Variants in LPP observed in about 807,000 individuals in gnomAD.
The protein encoded by LPP is LIM domain containing preferred translocation partner in lipoma, also known as lipoma-preferred partner.
LPP carries 38 observed loss-of-function variants against 60.4 expected under a neutral mutation model. The ratio of observed to expected loss-of-function variants is 0.63; its 90% CI spans 0.49 to 0.83. LPP has a LOEUF of 0.83. Ranked by LOEUF, LPP falls within the 40% of genes least tolerant of loss-of-function variation. The pLI, the probability that LPP is intolerant of heterozygous loss-of-function variation, is 0.00. For synonymous variants in LPP, 328 were observed against 290.8 expected, an observed-to-expected ratio of 1.13 and a Z score of -1.30; for missense variants, 902 against 783.6, an observed-to-expected ratio of 1.15 and a Z score of -1.80.
intron 2 of LPP, among the ~76,000 whole-genome samples, chr3:188,265,135 G>T (rs1262842906): frequency 1.3e-5 from 2 of 152,168 alleles, no homozygotes; most frequent in Non-Finnish European, 2.9e-5. Context: ...TGACTTTAGA[G>T]GTTTAGCACG....
intron 7 of LPP, among the ~76,000 whole-genome samples, chr3:188,651,918 G>A (rs904872199): frequency 1.3e-5 from 2 of 152,050 alleles, no homozygotes; most frequent in East Asian, 1.9e-4. Context: ...TATAACAGAG[G>A]TTGGTTGTAA....
intron 7 of LPP, among the ~76,000 whole-genome samples, chr3:188,649,490 C>T (rs1473525847): frequency 6.6e-6 from 1 of 152,188 alleles, no homozygotes; most frequent in African/African-American, 2.4e-5. Context: ...CACAATAGAA[C>T]TCAGAGCTCC....
chr3:188,663,987 T>C (rs1344173880), intron 7 of LPP, among the ~76,000 whole-genome samples: 2 of 152,182 alleles, frequency 1.3e-5, no homozygotes, highest in Non-Finnish European at 2.9e-5. Context: ...CAAGGACCAC[T>C]ATCAGTCCAT....
chr3:188,362,434 A>G (rs139740054), intron 3 of LPP, among the ~76,000 whole-genome samples: 104 of 152,196 alleles, frequency 6.8e-4, no homozygotes, highest in African/African-American at 2.4e-3. Context: ...CCTGGCCATT[A>G]GCCTCTCTCT....
At chr3:188,592,338 ACACACACGCACACAGT>A (rs1838896395) in intron 6 of LPP, among the ~76,000 whole-genome samples, 2 of 151,966 alleles carry the variant, frequency 1.3e-5, no homozygotes, top group South Asian at 4.2e-4. Flanking sequence ...CCTATACAAA[ACACACACGCACACAGT>A]CACACACACA....
intron 9 of LPP, among the ~76,000 whole-genome samples, chr3:188,864,226 C>T (rs1394603022): frequency 1.3e-5 from 2 of 152,258 alleles, no homozygotes; most frequent in Middle Eastern, 3.4e-3. Context: ...CTCAGGCAAC[C>T]ACAGCTTTGA....
At chr3:188,500,910 T>G (rs1811636296) in intron 5 of LPP, among the ~76,000 whole-genome samples, 1 of 152,140 alleles carries the variant, frequency 6.6e-6, no homozygotes, top group Non-Finnish European at 1.5e-5. Context: ...TATTTTTGTC[T>G]TTTGTAGTTT....
chr3:188,532,727 C>A (rs1365422115), intron 6 of LPP, among the ~76,000 whole-genome samples: 1 of 152,104 alleles, frequency 6.6e-6, no homozygotes, highest in African/African-American at 2.4e-5. Context: ...ACACTCCATT[C>A]CCCCTTTTCA....
chr3:188,534,774 A>T (rs968978838), intron 6 of LPP, among the ~76,000 whole-genome samples: 1 of 152,190 alleles, frequency 6.6e-6, no homozygotes, highest in African/African-American at 2.4e-5. Context: ...TAGTGATAAT[A>T]AGGATGATCT....
intron 9 of LPP, among the ~76,000 whole-genome samples, chr3:188,809,941 C>T (rs1750392547): frequency 6.6e-6 from 1 of 152,102 alleles, no homozygotes; most frequent in African/African-American, 2.4e-5. Context: ...ATAAGGAACC[C>T]TTTCCCCATT....
At chr3:188,675,402 TAC>T (rs1857821927) in intron 7 of LPP, among the ~76,000 whole-genome samples, 1 of 152,174 alleles carries the variant, frequency 6.6e-6, no homozygotes, top group Non-Finnish European at 1.5e-5. Context: ...AAACCACGCA[TAC>T]ACACAAAGCA....
chr3:188,368,826 T>G (rs1772107156), intron 3 of LPP, among the ~76,000 whole-genome samples: 1 of 152,092 alleles, frequency 6.6e-6, no homozygotes, highest in African/African-American at 2.4e-5. Flanking sequence ...TGTCTTCTTT[T>G]CTAAAGAACT....
chr3:188,524,855 T>G, intron 6 of LPP, 68 bp downstream of exon 6: 2 of 1,497,234 alleles, frequency 1.3e-6, no homozygotes, highest in Non-Finnish European at 1.8e-6. Context: ...AGAAAGAACA[T>G]GCTGCACCTG....
chr3:188,658,910 A>G (rs547371791), intron 7 of LPP, among the ~76,000 whole-genome samples: 32 of 152,310 alleles, frequency 2.1e-4, no homozygotes, highest in Non-Finnish European at 3.7e-4. Flanking sequence ...CCAGAGCCCC[A>G]TTTCCACACA....
At chr3:188,371,126 A>G (rs1002751212) in intron 3 of LPP, among the ~76,000 whole-genome samples, 5 of 152,256 alleles carry the variant, frequency 3.3e-5, no homozygotes, top group Middle Eastern at 3.4e-3. Flanking sequence ...TGCTGTACCA[A>G]GATCTCTTAT....
At chr3:188,792,029 G>A (rs1042424583) in intron 9 of LPP, among the ~76,000 whole-genome samples, 5 of 152,064 alleles carry the variant, frequency 3.3e-5, no homozygotes, top group Non-Finnish European at 7.3e-5. Context: ...AGACCCTAAG[G>A]TCTTCTGAAC....
chr3:188,473,420 G>C (rs60551450), intron 4 of LPP, among the ~76,000 whole-genome samples: 2,863 of 152,250 alleles, frequency 0.019, 86 homozygotes, highest in African/African-American at 0.066. Context: ...ATTTCAGAGA[G>C]AGAGTTGTTC....
intron 6 of LPP, among the ~76,000 whole-genome samples, chr3:188,554,550 C>G (rs1829008003): frequency 6.6e-6 from 1 of 152,140 alleles, no homozygotes; most frequent in Admixed American, 6.6e-5. Context: ...GTGGCTCTGC[C>G]AAGCCTGCAA....
At chr3:188,867,875 G>A (rs1345475462) in intron 10 of LPP, among the ~76,000 whole-genome samples, 1 of 152,142 alleles carries the variant, frequency 6.6e-6, no homozygotes, top group African/African-American at 2.4e-5. Flanking sequence ...CAACAGCCAG[G>A]AAGCACTTAC....
Sources: gnomAD v4.1 joint callset for allele counts (sites outside exome capture counted in the v4.1 genomes callset) on GRCh38, gnomAD v4.1.1 for gene constraint, MANE v1.5 for transcripts, NCBI Gene and HGNC (gene_info 2026-07-23, HGNC 2026-07-21) for gene names.